CELA1: variants seen among roughly 807,000 people sequenced by gnomAD.
The protein encoded by CELA1 is chymotrypsin-like elastase family member 1.
CELA1 carries 28 observed loss-of-function variants against 34.8 expected under a neutral mutation model. The ratio of observed to expected loss-of-function variants is 0.80; its 90% CI spans 0.60 to 1.10. The LOEUF (loss-of-function observed/expected upper bound fraction) is 1.10, where lower values mean the gene tolerates loss of function less well. Ranked by LOEUF, CELA1 falls within the 50% of genes least tolerant of loss-of-function variation. The pLI is 0.00. For synonymous variants in CELA1, 140 were observed against 129.8 expected (o/e 1.08, Z -0.53); for missense variants, 288 against 327.5 (o/e 0.88, Z 0.93).
rs1946448239 is a variant in CELA1 at position 51,328,442 on chromosome 12, T to G, written c.*135A>C. 4 of 871,492 alleles carry G rather than the reference T, an allele frequency of 4.6e-6. No homozygotes were observed. Among genetic ancestry groups the G allele is most frequent in the Non-Finnish European group, 7.5e-6 (4 of 531,562 alleles). The allele number at this position is 871,492 out of a possible 1,614,324, so 54.0% of individuals were successfully genotyped here. On this transcript the variant is annotated 3_prime_UTR_variant, in exon 8 of 8. Coordinates refer to ENST00000293636, the MANE Select transcript of CELA1 (RefSeq NM_001971.6). ...TTAATTACAAATAGACACAGTATGA[T>G]AATGTATATCTAGTTTTATTTGCTT...
chr12:51,339,786 G>C (rs961254633), intron 6 of CELA1, 74 bp downstream of exon 6: 1 of 1,459,588 alleles, frequency 6.9e-7, no homozygotes, highest in Non-Finnish European at 9.5e-7. Flanking sequence ...GTCGAATAGG[G>C]AGGTGAGGAA....
intron 7 of CELA1, 130 bp downstream of exon 7, chr12:51,329,554 G>A: frequency 1.1e-6 from 1 of 951,318 alleles, no homozygotes. Context: ...AGGAAGGGAA[G>A]GGAGTAAACA....
intron 7 of CELA1, 89 bp downstream of exon 7, chr12:51,329,595 C>T: frequency 7.4e-7 from 1 of 1,352,602 alleles, no homozygotes; most frequent in Non-Finnish European, 1.0e-6. Flanking sequence ...TGACGGCTTG[C>T]CCAGTCCATC....
At position 51,328,543 on chromosome 12, in the gene CELA1, C is replaced by A; in HGVS notation, c.*34G>T. On this transcript the variant is annotated 3_prime_UTR_variant, in exon 8 of 8. Transcript: ENST00000293636. ...CAAGTCCTACTGCAGATCTAAGAAC[C>A]ATTTTGGGAAGGTCGTTGGACTCAG... The A allele has an allele frequency of 6.2e-7, 1 of 1,613,158 alleles. No homozygotes were observed. Among genetic ancestry groups the A allele is most frequent in the Non-Finnish European group, 8.5e-7 (1 of 1,179,158 alleles).
intron 2 of CELA1, among the ~76,000 whole-genome samples, chr12:51,345,411 T>TGCGC (rs1555174980): frequency 2.6e-5 from 4 of 152,246 alleles, no homozygotes; most frequent in African/African-American, 7.2e-5. Context: ...TGTGTGTGTG[T>TGCGC]GCGCGCACAT....
chr12:51,345,931 G>T, intron 1 of CELA1, 54 bp from the exon 2 acceptor site: 2 of 1,257,012 alleles, frequency 1.6e-6, no homozygotes, highest in Non-Finnish European at 2.3e-6. Flanking sequence ...TCAGCCAGGG[G>T]TAGGGGTGGG....
At position 51,342,565 on chromosome 12, in the gene CELA1, T is replaced by A; in HGVS notation, c.326+10A>T. 1 of 1,614,142 alleles carries A rather than the reference T, an allele frequency of 6.2e-7. No individual in the cohort carries two copies. The highest frequency in any genetic ancestry group is 1.1e-5 in the South Asian group (1 of 91,082). ...CGCCCAGCCCAGGGCCAGCTTGGAC[T>A]TGCTCCTACCCGGCAGCCACGTTAT... On this transcript the variant is annotated intron_variant, in intron 4 of 7. Transcript: ENST00000293636.
At position 51,335,912 on chromosome 12, in the gene CELA1, C is replaced by T. The variant is rs182887472; in HGVS notation, c.609+3948G>A. Among the ~76,000 whole-genome samples the T allele has an allele frequency of 2.0e-4, 30 of 152,240 alleles. 3 individuals are homozygous for T. Among genetic ancestry groups the T allele is most frequent in the Admixed American group, 1.7e-3 (26 of 15,276 alleles). On this transcript the variant is annotated intron_variant, in intron 6 of 7. Transcript: ENST00000293636. ...TCAATCTGCCAAAATCTTGGGATTA[C>T]AGGCATGAGCTACTACACCCGGCTG... is the stretch of plus-strand genomic sequence containing the variant.
In CELA1 at chr12:51,346,496, G is replaced by A; in HGVS notation, c.16+127C>T. ...GAGCGTCCCACCTGCCCTGGGACAG[G>A]GTGCTGGCCTGGACTTAGGGAAAAT... On this transcript the variant is annotated intron_variant, in intron 1 of 7. Coordinates refer to ENST00000293636, the MANE Select transcript of CELA1 (RefSeq NM_001971.6). 14 of 829,012 alleles carry A rather than the reference G, an allele frequency of 1.7e-5. 1 individual carries two copies. The South Asian group carries it at 2.1e-4, about 13-fold the overall frequency. 51.4% of individuals were successfully genotyped at this position (829,012 alleles called of 1,614,324 possible). A position where few individuals can be genotyped will look rare whatever the true frequency, so the allele number is the denominator to read the frequency against.
Position 51,328,669 on chromosome 12 carries a change from T to C in CELA1, c.760-75A>G. 3 of 1,543,156 alleles carry C rather than the reference T, an allele frequency of 1.9e-6. No individual in the cohort carries two copies. The Middle Eastern group carries it at 5.1e-4, about 260-fold the overall frequency. ...TTTCTTGTTTCCTCAGGGCTCCCAG[T>C]TAAGTATGGTTTTGTACTGGGTTTA... On this transcript the variant is annotated intron_variant, in intron 7 of 7. Transcript: ENST00000293636.
At chr12:51,346,483 T>C (rs550131267) in intron 1 of CELA1, 140 bp downstream of exon 1, 1 of 756,052 alleles carries the variant, frequency 1.3e-6, no homozygotes, top group East Asian at 2.6e-5. Context: ...GCGTCCCACC[T>C]GCCCTGGGAC....
intron 2 of CELA1, among the ~76,000 whole-genome samples, chr12:51,345,521 C>T (rs541375038): frequency 1.3e-5 from 2 of 152,288 alleles, no homozygotes; most frequent in East Asian, 1.9e-4. Flanking sequence ...GTCTTTCTTG[C>T]GTGGCACAAG....
chr12:51,332,156 G>A (rs184449567), intron 6 of CELA1, among the ~76,000 whole-genome samples: 2 of 149,290 alleles, frequency 1.3e-5, no homozygotes, highest in East Asian at 2.0e-4. Flanking sequence ...CTGCACTCCA[G>A]CCTGGGTGAC....
At chr12:51,329,096 CA>C (rs374394328) in intron 7 of CELA1, among the ~76,000 whole-genome samples, 27 of 151,556 alleles carry the variant, frequency 1.8e-4, no homozygotes, top group African/African-American at 5.6e-4. Context: ...ACTAAAAATA[CA>C]AAAAAAATTT....
chr12:51,340,834 C>T (rs1946529804), intron 5 of CELA1, among the ~76,000 whole-genome samples: 1 of 152,104 alleles, frequency 6.6e-6, no homozygotes, highest in South Asian at 2.1e-4. Context: ...AGCGAGATCC[C>T]ATCTCTACAA....
rs866788056 is a variant in CELA1 at position 51,345,817 on chromosome 12, C to T, written c.77G>A (p.Gly26Glu). 10 of 1,557,724 alleles carry T rather than the reference C, an allele frequency of 6.4e-6. No homozygotes were observed. Among genetic ancestry groups the T allele is most frequent in the African/African-American group, 1.4e-5 (1 of 73,422 alleles). The change falls in exon 2 of 8, where the codon GGG becomes GAG. Residue 26 changes from glycine to glutamate, a missense_variant. Gly to Glu is a moderately conservative substitution (Grantham distance 98). Coordinates refer to ENST00000293636, the MANE Select transcript of CELA1 (RefSeq NM_001971.6). The stretch of plus-strand genomic sequence containing the variant: ...CACCTGAGAGGGCCAGGAATTCCTC[C>T]CGGCCTCAGTCCCTCCGACTACGCG... ...NARVVGGTEA[G>E]RNSWPSQISL...
Position 51,329,770 on chromosome 12 carries a change from T to G in CELA1, c.673A>C (p.Ser225Arg). The G allele has an allele frequency of 6.2e-7, 1 of 1,614,048 alleles. No individual in the cohort carries two copies. The highest frequency in any genetic ancestry group is 8.5e-7 in the Non-Finnish European group (1 of 1,179,986). ...TTACAGCCCCGGCTGGACACAAAGC[T>G]GGTCACTCCATGGACAGAATACTTG... ...NGKYSVHGVT[S>R]FVSSRGCNVS... Residue 225 changes from serine (S) to arginine (R), a missense_variant, in exon 7 of 8, where the codon AGC (serine) becomes CGC (arginine). Physicochemically the swap from Ser to Arg is moderately radical, Grantham distance 110. Transcript: ENST00000293636.
chr12:51,342,196 T>C (rs1293696670), intron 4 of CELA1, among the ~76,000 whole-genome samples: 1 of 151,882 alleles, frequency 6.6e-6, no homozygotes, highest in Non-Finnish European at 1.5e-5. Flanking sequence ...CTGGCTAATT[T>C]TTTTTTTTTT....
chr12:51,343,864 AG>A lies in CELA1; in HGVS notation c.100-12del. ...GTACTGGAGGGAAATCTAGATGGGG[AG>A]GAAAGAAAGAAGGGATAGGTTGGTG... On this transcript the variant is annotated splice_polypyrimidine_tract_variant and intron_variant, in intron 2 of 7. Transcript: ENST00000293636. 6.8e-7 allele frequency: 1 copy of A among 1,466,648 alleles called. No individual in the cohort carries two copies. The highest frequency in any genetic ancestry group is 9.5e-7 in the Non-Finnish European group (1 of 1,050,890). The allele number at this position is 1,466,648 out of a possible 1,614,324, so 90.9% of individuals were successfully genotyped here. A position where few individuals can be genotyped will look rare whatever the true frequency, so the allele number is the denominator to read the frequency against.
Sources: gnomAD v4.1 joint callset for allele counts (sites outside exome capture counted in the v4.1 genomes callset) on GRCh38, gnomAD v4.1.1 for gene constraint, MANE v1.5 for transcripts, NCBI Gene and HGNC (gene_info 2026-07-23, HGNC 2026-07-21) for gene names.